Variants in RABGAP1L observed in about 807,000 individuals in gnomAD.
The protein encoded by RABGAP1L is RAB GTPase activating protein 1 like.
RABGAP1L carries 63 observed loss-of-function variants against 137.7 expected under a neutral mutation model. The ratio of observed to expected loss-of-function variants is 0.46; its 90% CI spans 0.37 to 0.56. The LOEUF (loss-of-function observed/expected upper bound fraction) is 0.56, where lower values mean the gene tolerates loss of function less well. Among genes scored for constraint, RABGAP1L ranks in the 20% least tolerant of loss-of-function variants. The pLI, the probability that RABGAP1L is intolerant of heterozygous loss-of-function variation, is 0.00. For synonymous variants in RABGAP1L, 431 were observed against 433.7 expected (o/e 0.99, Z 0.08); for missense variants, 1,095 against 1,244.0 (o/e 0.88, Z 1.80).
intron 13 of RABGAP1L, among the ~76,000 whole-genome samples, chr1:174,394,785 CT>C (rs916503194): frequency 6.6e-6 from 1 of 151,914 alleles, no homozygotes; most frequent in Non-Finnish European, 1.5e-5. Flanking sequence ...GGAACCTCTC[CT>C]CATAAATGAG....
chr1:174,695,393 G>A (rs1679174642), intron 15 of RABGAP1L, among the ~76,000 whole-genome samples: 1 of 151,994 alleles, frequency 6.6e-6, no homozygotes, highest in Non-Finnish European at 1.5e-5. Flanking sequence ...CTACTGTTGA[G>A]AGACTGATAC....
intron 13 of RABGAP1L, among the ~76,000 whole-genome samples, chr1:174,542,118 A>G (rs2147938749): frequency 6.6e-6 from 1 of 152,326 alleles, no homozygotes; most frequent in African/African-American, 2.4e-5. Context: ...AAAATGAGTT[A>G]GGGAGGATTC....
chr1:174,419,211 A>C (rs1650964820), intron 13 of RABGAP1L, among the ~76,000 whole-genome samples: 1 of 152,172 alleles, frequency 6.6e-6, no homozygotes, highest in African/African-American at 2.4e-5. Flanking sequence ...ATTACCTAGG[A>C]CAGATCTCAA....
At chr1:174,277,019 A>C (rs559372171) in intron 9 of RABGAP1L, among the ~76,000 whole-genome samples, 3 of 152,220 alleles carry the variant, frequency 2.0e-5, no homozygotes, top group African/African-American at 7.2e-5. Flanking sequence ...TATTTAGTTT[A>C]TACCCACAGT....
At chr1:174,454,894 A>AT (rs1266646331) in intron 13 of RABGAP1L, among the ~76,000 whole-genome samples, 1 of 151,978 alleles carries the variant, frequency 6.6e-6, no homozygotes, top group Admixed American at 6.6e-5. Context: ...ACCTTTCTGC[A>AT]TTTTTCACAC....
chr1:174,648,685 G>A (rs565654393), intron 14 of RABGAP1L, among the ~76,000 whole-genome samples: 2 of 152,198 alleles, frequency 1.3e-5, no homozygotes, highest in Admixed American at 1.3e-4. Context: ...TGTTGATTTG[G>A]GGTGGAGAAT....
intron 1 of RABGAP1L, among the ~76,000 whole-genome samples, chr1:174,202,107 A>C (rs998934664): frequency 6.6e-5 from 10 of 151,940 alleles, no homozygotes; most frequent in Admixed American, 1.3e-4. Context: ...GCCACAATAA[A>C]CATACGTGTG....
chr1:174,162,772 T>C (rs1395674899), intron 1 of RABGAP1L, among the ~76,000 whole-genome samples: 4 of 106,694 alleles, frequency 3.7e-5, no homozygotes, highest in Non-Finnish European at 5.5e-5. Context: ...TTTTTTTCTC[T>C]TTCTGTTTTT....
chr1:174,243,371 A>T (rs1207333959), intron 5 of RABGAP1L, among the ~76,000 whole-genome samples: 1 of 152,174 alleles, frequency 6.6e-6, no homozygotes, highest in African/African-American at 2.4e-5. Flanking sequence ...ACGTTGTAAG[A>T]AAGTTATCTC....
chr1:174,164,532 C>G (rs1022113698), intron 1 of RABGAP1L, among the ~76,000 whole-genome samples: 3 of 152,176 alleles, frequency 2.0e-5, no homozygotes, highest in Non-Finnish European at 2.9e-5. Flanking sequence ...TAATGGCTTG[C>G]AAGACCAGTT....
chr1:174,497,693 G>A (rs775984376), intron 13 of RABGAP1L, among the ~76,000 whole-genome samples: 2 of 152,156 alleles, frequency 1.3e-5, no homozygotes, highest in Non-Finnish European at 2.9e-5. Flanking sequence ...GCTTCTTACA[G>A]ATTCCCTTGC....
intron 7 of RABGAP1L, among the ~76,000 whole-genome samples, chr1:174,265,470 C>G (rs971275090): frequency 1.4e-5 from 2 of 147,812 alleles, no homozygotes; most frequent in Non-Finnish European, 3.0e-5. Context: ...TGGCTTGAAT[C>G]AGGAAGTGGA....
At chr1:174,649,478 A>T (rs1282193479) in intron 14 of RABGAP1L, among the ~76,000 whole-genome samples, 1 of 152,134 alleles carries the variant, frequency 6.6e-6, no homozygotes, top group Non-Finnish European at 1.5e-5. Flanking sequence ...TTGGCTGGAT[A>T]TGAAATTCTG....
At chr1:174,787,612 G>A (rs1687551801) in intron 18 of RABGAP1L, among the ~76,000 whole-genome samples, 1 of 152,142 alleles carries the variant, frequency 6.6e-6, no homozygotes, top group African/African-American at 2.4e-5. Flanking sequence ...TGGAAAGGTA[G>A]GATAGATCTA....
intron 1 of RABGAP1L, among the ~76,000 whole-genome samples, chr1:174,178,628 T>TA (rs1227488814): frequency 1.3e-5 from 2 of 152,168 alleles, no homozygotes; most frequent in Non-Finnish European, 2.9e-5. Context: ...GTGGCACATA[T>TA]ACACCATGGA....
At chr1:174,656,470 A>G (rs1169456537) in intron 14 of RABGAP1L, among the ~76,000 whole-genome samples, 1 of 152,222 alleles carries the variant, frequency 6.6e-6, no homozygotes, top group Admixed American at 6.5e-5. Context: ...TAAATAGAAT[A>G]GAATAGAATA....
intron 19 of RABGAP1L, among the ~76,000 whole-genome samples, chr1:174,882,050 G>A (rs373966124): frequency 2.8e-4 from 43 of 151,838 alleles, no homozygotes; most frequent in Non-Finnish European, 4.4e-4. Flanking sequence ...TAATAGAGAC[G>A]GGGTTTCTCC....
intron 7 of RABGAP1L, 105 bp from the exon 8 acceptor site, chr1:174,272,309 T>C (rs778661449): frequency 1.3e-5 from 16 of 1,189,294 alleles, no homozygotes; most frequent in African/African-American, 1.6e-5. Context: ...AGCTTATAAA[T>C]ACAGAGCTCA....
At chr1:174,718,830 T>C (rs1572913786) in intron 17 of RABGAP1L, among the ~76,000 whole-genome samples, 1 of 129,722 alleles carries the variant, frequency 7.7e-6, no homozygotes, top group Non-Finnish European at 1.6e-5. Context: ...GGTTTTCTTT[T>C]CTTTTCCTTT....
Sources: gnomAD v4.1 joint callset for allele counts (sites outside exome capture counted in the v4.1 genomes callset) on GRCh38, gnomAD v4.1.1 for gene constraint, MANE v1.5 for transcripts, NCBI Gene and HGNC (gene_info 2026-07-23, HGNC 2026-07-21) for gene names.